Variants in SH2B3 observed in about 807,000 individuals in gnomAD.
SH2B3 encodes SH2B adapter protein 3.
Under a neutral mutation model 51.9 loss-of-function variants are expected in SH2B3, and 43 were observed. The ratio of observed to expected loss-of-function variants is 0.83; its 90% confidence interval spans 0.65 to 1.07. The LOEUF is 1.07. Among genes scored for constraint, SH2B3 ranks in the 50% least tolerant of loss-of-function variants. The probability of loss-of-function intolerance (pLI) is 0.00; values close to 1 mark genes in which losing one functional copy is unlikely to be tolerated. For missense variants in SH2B3, 952 were observed against 834.3 expected, an observed-to-expected ratio of 1.14 and a Z score of -1.74; for synonymous variants, 396 against 376.0, an observed-to-expected ratio of 1.05 and a Z score of -0.62.
In SH2B3 at chr12:111,447,223, G is replaced by A. The variant is rs1565990494; in HGVS notation, c.1021+4G>A. The A allele has an allele frequency of 1.3e-5, 21 of 1,610,266 alleles. No homozygotes were observed. Among genetic ancestry groups the A allele is most frequent in the Non-Finnish European group, 1.7e-5 (20 of 1,176,574 alleles). On this transcript the variant is annotated splice_donor_region_variant and intron_variant, in intron 5 of 7. Coordinates refer to ENST00000341259, the MANE Select transcript of SH2B3 (RefSeq NM_005475.3). ...AGCACAGATTCCCTTAACCAAGGTG[G>A]GTAAACCAATAGCTAGGCCATTGTC... is the stretch of plus-strand genomic sequence containing the variant.
intron 1 of SH2B3, among the ~76,000 whole-genome samples, chr12:111,416,001 G>T (rs1871056693): frequency 6.6e-6 from 1 of 152,066 alleles, no homozygotes; most frequent in Admixed American, 6.6e-5. Flanking sequence ...GAGTCCAGTG[G>T]CGTGATCTCG....
rs1874074418 is a variant in SH2B3, at chr12:111,447,187, C to T, written c.989C>T (p.Ser330Phe). The change falls in exon 5 of 8, where the codon TCC (serine) becomes TTC (phenylalanine). Residue 330 changes from serine to phenylalanine, a missense_variant. By Grantham distance (155) the Ser-to-Phe change is radical. Transcript: ENST00000341259. ...GCCCTAGAGCCTAGCACGTCCAGCT[C>T]CCCAAGGGGCAGCACAGATTCCCTT... ...PSALEPSTSS[S>F]PRGSTDSLNQ... 4 of 1,613,724 alleles carry T rather than the reference C, an allele frequency of 2.5e-6. No individual in the cohort carries two copies. Among genetic ancestry groups the T allele is most frequent in the Admixed American group, 1.7e-5 (1 of 60,000 alleles).
Position 111,447,721 on chromosome 12 carries a change from C to T in SH2B3, c.1302C>T (p.Val434=), listed in dbSNP as rs747757353. ...CRVQHLHFPS[V]VDMLHHFQRS... is the part of the protein sequence containing the mutation. Reference sequence around the variant, plus strand: ...TGCAGCACCTCCACTTTCCCTCGGTCGTGGACATGCTCCACCACTTCCAGC... The same window carrying T: ...TGCAGCACCTCCACTTTCCCTCGGTTGTGGACATGCTCCACCACTTCCAGC... The change falls in exon 7 of 8, where the codon GTC becomes GTT. Residue 434 remains valine, a synonymous_variant. Coordinates refer to ENST00000341259, the MANE Select transcript of SH2B3 (RefSeq NM_005475.3). 46 of 1,613,844 alleles carry T rather than the reference C, an allele frequency of 2.9e-5. No individual in the cohort carries two copies. The highest frequency in any genetic ancestry group is 6.7e-5 in the East Asian group (3 of 44,884).
chr12:111,438,960 GTT>G lies in SH2B3; in HGVS notation c.733-7789_733-7788del, dbSNP rs1229313924. ...TCTCTCAGATGAGGACCACAGGGGA[GTT>G]TTTGTTTTTGTTTGTTTGTTTGTTT... On this transcript the variant is annotated intron_variant, in intron 2 of 7. Transcript: ENST00000341259. The surrounding 1 kb of genome is among the most constrained non-coding windows in gnomAD (Gnocchi z 4.2). 6.6e-6 allele frequency among the ~76,000 whole-genome samples: 1 copy of G among 152,044 alleles called. No individual in the cohort carries two copies. Among genetic ancestry groups the G allele is most frequent in the Non-Finnish European group, 1.5e-5 (1 of 67,990 alleles).
chr12:111,441,596 C>G (rs955358927), intron 2 of SH2B3, among the ~76,000 whole-genome samples: 1 of 152,030 alleles, frequency 6.6e-6, no homozygotes, highest in Non-Finnish European at 1.5e-5. Flanking sequence ...AGACGCACCA[C>G]GTTTAAGGAG....
In SH2B3 at chr12:111,429,154, A is replaced by T. The variant is rs1462913143; in HGVS notation, c.732+10277A>T. On this transcript the variant is annotated intron_variant, in intron 2 of 7. Transcript: ENST00000341259. This position sits in a 1 kb window ranked among gnomAD's most constrained non-coding sequence, Gnocchi z 4.4. ...CTGAGCCTGTGACCCGGGGGAAGGC[A>T]CTTTGCCCTCCCTGTGCCTCAGTTT... Among the ~76,000 whole-genome samples the T allele has an allele frequency of 6.6e-6, 1 of 151,996 alleles. No individual in the cohort carries two copies. Among genetic ancestry groups the T allele is most frequent in the African/African-American group, 2.4e-5 (1 of 41,372 alleles).
In SH2B3 at chr12:111,418,336, C is replaced by T. The variant is rs1871245947; in HGVS notation, c.191C>T (p.Ser64Leu). The change falls in exon 2 of 8, where the codon TCG (serine) becomes TTG (leucine). Residue 64 changes from serine to leucine, a missense_variant. Coordinates refer to ENST00000341259, the MANE Select transcript of SH2B3 (RefSeq NM_005475.3). This position sits in a 1 kb window ranked among gnomAD's most constrained non-coding sequence, Gnocchi z 6.7. ...GCGCCGCTGCGCGCCGAGCTGGTGT[C>T]GCTGCAGTTCACCGACCTCTTCCAG... is the stretch of plus-strand genomic sequence containing the variant. The part of the protein sequence containing the change: ...QHAPLRAELV[S>L]LQFTDLFQRY... The T allele has an allele frequency of 4.6e-6, 7 of 1,524,452 alleles. No homozygotes were observed. Among genetic ancestry groups the T allele is most frequent in the African/African-American group, 1.4e-5 (1 of 71,226 alleles). 94.4% of individuals were successfully genotyped at this position (1,524,452 alleles called of 1,614,324 possible). A position where few individuals can be genotyped will look rare whatever the true frequency, so the allele number is the denominator to read the frequency against.
chr12:111,443,719 A>G (rs1053693094), intron 2 of SH2B3: 3 of 152,172 alleles, frequency 2.0e-5, no homozygotes, highest in Non-Finnish European at 4.4e-5. Context: ...GTGTAGTGGG[A>G]GCCAAGCAGG....
rs2135533352 is a variant in SH2B3, at chr12:111,410,319, G to A, written c.-28+4042G>A. 6.6e-6 allele frequency among the ~76,000 whole-genome samples: 1 copy of A among 152,284 alleles called. No homozygotes were observed. The highest frequency in any genetic ancestry group is 1.9e-4 in the East Asian group (1 of 5,180). On this transcript the variant is annotated intron_variant, in intron 1 of 7. Transcript: ENST00000341259. The surrounding 1 kb of genome is among the most constrained non-coding windows in gnomAD (Gnocchi z 4.9). ...GAGAGGGCAGTGTATGCTGCGAGAG[G>A]CGAGGTAATTGAGGGCTTACGCATG...
rs1470541757 is a variant in SH2B3 at position 111,410,169 on chromosome 12, G to T, written c.-28+3892G>T. Among the ~76,000 whole-genome samples the T allele has an allele frequency of 6.6e-6, 1 of 152,210 alleles. No individual in the cohort carries two copies. Among genetic ancestry groups the T allele is most frequent in the Non-Finnish European group, 1.5e-5 (1 of 68,020 alleles). On this transcript the variant is annotated intron_variant, in intron 1 of 7. Transcript: ENST00000341259. The surrounding 1 kb of genome is among the most constrained non-coding windows in gnomAD (Gnocchi z 4.9). The stretch of plus-strand genomic sequence containing the variant: ...GGGCTGACTCACAGGCGCCCAATGG[G>T]GGGCCCCAGCTGGGAGACTGGGAAT...
In SH2B3 at chr12:111,447,558, TGGG is replaced by T; in HGVS notation, c.1236+16_1236+18del. 5.2e-6 allele frequency: 1 copy of T among 191,904 alleles called. No individual in the cohort carries two copies. 11.9% of individuals were successfully genotyped at this position (191,904 alleles called of 1,614,324 possible). On this transcript the variant is annotated intron_variant, in intron 6 of 7. Coordinates refer to ENST00000341259, the MANE Select transcript of SH2B3 (RefSeq NM_005475.3). ...GGGATAGCCAAGGTATGGGGTGGGG[TGGG>T]GTGGGGTGGGGCAGGCAGGACCGTG...
At position 111,438,809 on chromosome 12, in the gene SH2B3, G is replaced by A. The variant is rs1344848132; in HGVS notation, c.733-7944G>A. Among the ~76,000 whole-genome samples the A allele has an allele frequency of 6.6e-6, 1 of 152,172 alleles. No individual in the cohort carries two copies. Among genetic ancestry groups the A allele is most frequent in the Non-Finnish European group, 1.5e-5 (1 of 68,034 alleles). On this transcript the variant is annotated intron_variant, in intron 2 of 7. Coordinates refer to ENST00000341259, the MANE Select transcript of SH2B3 (RefSeq NM_005475.3). The surrounding 1 kb of genome is among the most constrained non-coding windows in gnomAD (Gnocchi z 4.2). ...AAAGCAGTCGTATTTGTGAAGCTGTGGGGGGAGCTGCCTCTCTGAGGGCAC... is the reference window on the plus strand; with the variant it reads ...AAAGCAGTCGTATTTGTGAAGCTGTAGGGGGAGCTGCCTCTCTGAGGGCAC...
intron 1 of SH2B3, among the ~76,000 whole-genome samples, chr12:111,412,233 G>A (rs1052709174): frequency 1.3e-5 from 2 of 152,148 alleles, no homozygotes; most frequent in African/African-American, 4.8e-5. Context: ...CCACTGCCTG[G>A]GCCAGGGTCA....
chr12:111,442,526 A>T (rs1873521381), intron 2 of SH2B3, among the ~76,000 whole-genome samples: 1 of 152,022 alleles, frequency 6.6e-6, no homozygotes, highest in Non-Finnish European at 1.5e-5. Context: ...CCAGGGAGCT[A>T]GTGTGGCCTG....
upstream of SH2B3, among the ~76,000 whole-genome samples, chr12:111,404,812 G>A (rs1439077077): frequency 6.6e-6 from 1 of 152,238 alleles, no homozygotes; most frequent in East Asian, 1.9e-4. Context: ...ACTGCCAGGA[G>A]AGTGGGTACA....
At chr12:111,436,152 T>A (rs1872857376) in intron 2 of SH2B3, among the ~76,000 whole-genome samples, 1 of 152,182 alleles carries the variant, frequency 6.6e-6, no homozygotes, top group African/African-American at 2.4e-5. Context: ...TTGTCCTTAT[T>A]TGGCACTTGA....
intron 1 of SH2B3, among the ~76,000 whole-genome samples, chr12:111,412,297 C>T (rs1870762066): frequency 6.6e-6 from 1 of 152,224 alleles, no homozygotes; most frequent in Non-Finnish European, 1.5e-5. Flanking sequence ...AAAAACCTCC[C>T]TGGTACAGTC....
chr12:111,448,048 TG>T lies in SH2B3; in HGVS notation c.1478del (p.Gly493ValfsTer55), dbSNP rs1874212090. 6.2e-7 allele frequency: 1 copy of T among 1,613,190 alleles called. No homozygotes were observed. The highest frequency in any genetic ancestry group is 1.7e-5 in the Admixed American group (1 of 59,998). ...PHWDSESLPH[W>X]GSELGLPHLS... ...CTGGGATTCAGAGTCCCTTCCTCAC[TG>T]GGGTTCAGAGTTGGGCCTTCCCCAC... is the stretch of plus-strand genomic sequence containing the variant. On this transcript the variant is annotated frameshift_variant, in exon 8 of 8. Transcript: ENST00000341259. LOFTEE classifies it high-confidence loss of function.
rs1418261414 is a variant in SH2B3 at position 111,429,234 on chromosome 12, G to A, written c.732+10357G>A. On this transcript the variant is annotated intron_variant, in intron 2 of 7. Transcript: ENST00000341259. This position sits in a 1 kb window ranked among gnomAD's most constrained non-coding sequence, Gnocchi z 4.4. ...CTGGCCCCAGGATCAACTGAGTGCT[G>A]TCTGGGAAGCACCTAGAGCTGTGCC... Among the ~76,000 whole-genome samples, 4 of 152,206 alleles carry A rather than the reference G, an allele frequency of 2.6e-5. No homozygotes were observed.
Sources: allele counts gnomAD v4.1 joint callset (sites outside exome capture counted in the v4.1 genomes callset), GRCh38; gene constraint gnomAD v4.1.1; non-coding constraint Gnocchi (gnomAD v3.1); transcripts MANE v1.5; gene names NCBI Gene and HGNC (gene_info 2026-07-23, HGNC 2026-07-21).